SLIT1: variants seen among roughly 807,000 people sequenced by gnomAD.
The protein encoded by SLIT1 is slit guidance ligand 1, also known as slit homolog 1 protein.
SLIT1 carries 66 observed loss-of-function variants against 186.1 expected under a neutral mutation model. That is an observed-to-expected ratio of 0.35 (90% confidence interval 0.29 to 0.44). The LOEUF (loss-of-function observed/expected upper bound fraction) is 0.44, where lower values mean the gene tolerates loss of function less well. Ranked by LOEUF, SLIT1 falls within the 20% of genes least tolerant of loss-of-function variation. SLIT1 has a pLI of 1.00. For missense variants in SLIT1, 1,638 were observed against 2,037.4 expected, an observed-to-expected ratio of 0.80 and a Z score of 3.77; for synonymous variants, 761 against 833.8, an observed-to-expected ratio of 0.91 and a Z score of 1.50.
chr10:97,024,868 G>A (rs1848531563), intron 25 of SLIT1, among the ~76,000 whole-genome samples: 1 of 152,276 alleles, frequency 6.6e-6, no homozygotes, highest in South Asian at 2.1e-4. Flanking sequence ...GAAATCTGAG[G>A]CCCTGTGAAA....
At position 97,010,045 on chromosome 10, in the gene SLIT1, T is replaced by A. The variant is rs745656775; in HGVS notation, c.3341+948A>T. On this transcript the variant is annotated intron_variant, in intron 31 of 36. Transcript: ENST00000266058. This position sits in a 1 kb window ranked among gnomAD's most constrained non-coding sequence, Gnocchi z 4.8. The stretch of plus-strand genomic sequence containing the variant: ...TACAGTTAACATACGACTCAGAAAA[T>A]CCACTCCTACGCATATACCCAAGAG... 6.6e-6 allele frequency among the ~76,000 whole-genome samples: 1 copy of A among 152,062 alleles called. No homozygotes were observed. Among genetic ancestry groups the A allele is most frequent in the Non-Finnish European group, 1.5e-5 (1 of 68,012 alleles).
chr10:97,052,330 C>T (rs1487830436), intron 13 of SLIT1, among the ~76,000 whole-genome samples: 1 of 152,052 alleles, frequency 6.6e-6, no homozygotes, highest in Non-Finnish European at 1.5e-5. Flanking sequence ...AAACTCCTGG[C>T]CTCAGGTGAT....
At chr10:97,057,833 T>C in intron 11 of SLIT1, 2 of 560,190 alleles carry the variant, frequency 3.6e-6, no homozygotes, top group Non-Finnish European at 3.3e-6. Context: ...AAACAAAAGT[T>C]CAAAAAAACA....
intron 25 of SLIT1, among the ~76,000 whole-genome samples, chr10:97,030,330 T>TAG (rs1407741329): frequency 6.6e-6 from 1 of 152,198 alleles, no homozygotes; most frequent in Non-Finnish European, 1.5e-5. Flanking sequence ...GGCACAGTAC[T>TAG]AGTGGAGCGC....
At chr10:97,174,800 G>A (rs1422506808) in intron 1 of SLIT1, among the ~76,000 whole-genome samples, 2 of 152,188 alleles carry the variant, frequency 1.3e-5, no homozygotes, top group East Asian at 1.9e-4. Context: ...CACCCAGCTG[G>A]TTGAGGAGCA....
chr10:97,151,028 C>T (rs982604602), intron 4 of SLIT1, among the ~76,000 whole-genome samples: 1 of 152,058 alleles, frequency 6.6e-6, no homozygotes. Flanking sequence ...TAGGTCCAGC[C>T]AGTGCAGCAC....
intron 4 of SLIT1, among the ~76,000 whole-genome samples, chr10:97,131,308 C>T (rs1564683232): frequency 6.6e-6 from 1 of 152,222 alleles, no homozygotes; most frequent in Non-Finnish European, 1.5e-5. Flanking sequence ...CAAAAACAGG[C>T]CCATTGAAGC....
At chr10:97,107,253 C>T (rs1490692) in intron 4 of SLIT1, among the ~76,000 whole-genome samples, 43,960 of 152,214 alleles carry the variant, frequency 0.29, 6,967 homozygotes, top group African/African-American at 0.43. Flanking sequence ...GCTGCTGAGG[C>T]TGGATGGAAT....
In SLIT1 at chr10:97,149,751, C is replaced by T. The variant is rs576657880; in HGVS notation, c.413+8067G>A. Among the ~76,000 whole-genome samples, 5 of 152,176 alleles carry T rather than the reference C, an allele frequency of 3.3e-5. No individual in the cohort carries two copies. In the South Asian group the frequency reaches 8.3e-4, roughly 25 times the overall value. ...GTTTGGGGTCAGGTGGGCCTGGGTT[C>T]GAATCTCAGCTCTGATTCTTACTGT... On this transcript the variant is annotated intron_variant, in intron 4 of 36. Coordinates refer to ENST00000266058, the MANE Select transcript of SLIT1 (RefSeq NM_003061.3).
intron 28 of SLIT1, among the ~76,000 whole-genome samples, chr10:97,014,799 G>A (rs1848440549): frequency 6.6e-6 from 1 of 151,968 alleles, no homozygotes; most frequent in Non-Finnish European, 1.5e-5. Context: ...CTGTGAGGTG[G>A]AGGTTATAGT....
chr10:97,090,346 G>A (rs1428264824), intron 4 of SLIT1, among the ~76,000 whole-genome samples: 1 of 152,146 alleles, frequency 6.6e-6, no homozygotes, highest in Non-Finnish European at 1.5e-5. Context: ...CCTGGGAAGA[G>A]CGTCCCAGGC....
At chr10:97,057,905 G>A (rs59428103) in intron 11 of SLIT1, 72,271 of 698,800 alleles carry the variant, frequency 0.1, 4,188 homozygotes, top group African/African-American at 0.16. Flanking sequence ...GGGGAGGGGG[G>A]TTGTATGCCA....
chr10:97,007,804 G>A (rs1286110252), intron 31 of SLIT1, among the ~76,000 whole-genome samples: 2 of 152,008 alleles, frequency 1.3e-5, no homozygotes, highest in African/African-American at 4.8e-5. Flanking sequence ...CCTGATAAAG[G>A]GCACCTACAA....
chr10:97,079,474 C>T (rs1423587149), intron 4 of SLIT1, among the ~76,000 whole-genome samples: 7 of 152,240 alleles, frequency 4.6e-5, no homozygotes, highest in African/African-American at 1.7e-4. Context: ...AGCACTGATT[C>T]CAGCACCTGG....
In SLIT1 at chr10:97,180,978, G is replaced by A. The variant is rs918958565; in HGVS notation, c.197+4500C>T. Among the ~76,000 whole-genome samples, 8 of 152,346 alleles carry A rather than the reference G, an allele frequency of 5.3e-5. 1 individual carries two copies. The East Asian group carries it at 1.4e-3, about 26-fold the overall frequency. On this transcript the variant is annotated intron_variant, in intron 1 of 36. Transcript: ENST00000266058. ...GGTAGTAGGTGTTATCAGCCCCAGA[G>A]GCCGAGAGAAGGGCGAACACCAGCC...
chr10:97,112,049 G>A (rs1008628437), intron 4 of SLIT1, among the ~76,000 whole-genome samples: 14 of 152,130 alleles, frequency 9.2e-5, no homozygotes, highest in Non-Finnish European at 1.2e-4. Flanking sequence ...CTGACAGCTC[G>A]GCTCCATTTG....
At chr10:97,009,503 A>C (rs1283450635) in intron 31 of SLIT1, among the ~76,000 whole-genome samples, 1 of 152,222 alleles carries the variant, frequency 6.6e-6, no homozygotes, top group Non-Finnish European at 1.5e-5. Flanking sequence ...CAATGACCTA[A>C]ATATAAGAGC....
intron 4 of SLIT1, among the ~76,000 whole-genome samples, chr10:97,135,561 AGCC>A (rs1411641091): frequency 6.6e-6 from 1 of 152,164 alleles, no homozygotes; most frequent in African/African-American, 2.4e-5. Context: ...ATAGTGAGGA[AGCC>A]GGGGTGGAAG....
intron 28 of SLIT1, among the ~76,000 whole-genome samples, chr10:97,015,606 CAACT>C (rs1430743958): frequency 3.9e-5 from 6 of 152,240 alleles, no homozygotes; most frequent in African/African-American, 9.6e-5. Context: ...ACCCATAAAC[CAACT>C]GAGAGAAGAA....
Sources: allele counts gnomAD v4.1 joint callset (sites outside exome capture counted in the v4.1 genomes callset), GRCh38; gene constraint gnomAD v4.1.1; non-coding constraint Gnocchi (gnomAD v3.1); transcripts MANE v1.5; gene names NCBI Gene and HGNC (gene_info 2026-07-23, HGNC 2026-07-21).